WWC2: variants seen among roughly 807,000 people sequenced by gnomAD.
WWC2 encodes WW and C2 domain containing 2, also known as protein WWC2.
Under a neutral mutation model 138.5 loss-of-function variants are expected in WWC2, and 101 were observed. The ratio of observed to expected loss-of-function variants is 0.73; its 90% CI spans 0.62 to 0.86. WWC2 has a LOEUF of 0.86. Ranked by LOEUF, WWC2 falls within the 40% of genes least tolerant of loss-of-function variation. The pLI, the probability that WWC2 is intolerant of heterozygous loss-of-function variation, is 0.00. For synonymous variants in WWC2, 558 were observed against 538.4 expected, an observed-to-expected ratio of 1.04 and a Z score of -0.50; for missense variants, 1,420 against 1,419.4, an observed-to-expected ratio of 1.00 and a Z score of -0.01.
chr4:183,188,643 CTTTTTTT>C (rs11341026), intron 1 of WWC2, among the ~76,000 whole-genome samples: 1 of 79,754 alleles, frequency 1.3e-5, no homozygotes, highest in African/African-American at 4.6e-5. Flanking sequence ...TTGCTCCTTT[CTTTTTTT>C]TTTTTTTTTT....
intron 17 of WWC2, among the ~76,000 whole-genome samples, chr4:183,281,931 A>G (rs1420715305): frequency 2.0e-5 from 3 of 152,240 alleles, no homozygotes; most frequent in African/African-American, 7.2e-5. Flanking sequence ...TATAACTCAT[A>G]GTAGTCATTA....
At chr4:183,113,515 TGCGCGC>T (rs1554064965) in intron 1 of WWC2, among the ~76,000 whole-genome samples, 8 of 126,644 alleles carry the variant, frequency 6.3e-5, no homozygotes, top group African/African-American at 2.1e-4. Flanking sequence ...TGTGTGTGTG[TGCGCGC>T]GCGTGCGCGC....
intron 1 of WWC2, among the ~76,000 whole-genome samples, chr4:183,103,913 C>T (rs1431218414): frequency 6.6e-6 from 1 of 152,160 alleles, no homozygotes; most frequent in Non-Finnish European, 1.5e-5. Flanking sequence ...GGATTACAGG[C>T]ATGAGCCACC....
Position 183,284,229 on chromosome 4 carries a change from G to T in WWC2, c.2887G>T (p.Asp963Tyr). 1 of 1,613,386 alleles carries T rather than the reference G, an allele frequency of 6.2e-7. No homozygotes were observed. Among genetic ancestry groups the T allele is most frequent in the South Asian group, 1.1e-5 (1 of 91,046 alleles). Residue 963 changes from aspartate to tyrosine, a missense_variant, in exon 19 of 23, where the codon GAC (aspartate) becomes TAC (tyrosine). Transcript: ENST00000403733. ...QPPTRIPTLV[D>Y]KETNTDEAAN... is the part of the protein sequence containing the mutation. ...AAATTGTTAACTTCTCTTATAGGTTGACAAAGAGACAAACACTGATGAAGC... is the reference window on the plus strand; with the variant it reads ...AAATTGTTAACTTCTCTTATAGGTTTACAAAGAGACAAACACTGATGAAGC...
chr4:183,239,067 C>T (rs2111307325), intron 4 of WWC2, among the ~76,000 whole-genome samples: 1 of 152,304 alleles, frequency 6.6e-6, no homozygotes, highest in Non-Finnish European at 1.5e-5. Context: ...GTAATCCCAG[C>T]ACTTTGGGAG....
chr4:183,138,572 ATGGTC>A (rs1733193643), intron 1 of WWC2, among the ~76,000 whole-genome samples: 1 of 152,162 alleles, frequency 6.6e-6, no homozygotes, highest in African/African-American at 2.4e-5. Flanking sequence ...AGGAGACCAT[ATGGTC>A]TGCAAAGCTG....
At chr4:183,203,165 A>ATT (rs1420907530) in intron 2 of WWC2, among the ~76,000 whole-genome samples, 1 of 150,428 alleles carries the variant, frequency 6.6e-6, no homozygotes, top group Non-Finnish European at 1.5e-5. Context: ...AGGACTCAAA[A>ATT]TAATTCATTT....
chr4:183,232,696 G>T (rs1560856557), intron 4 of WWC2, among the ~76,000 whole-genome samples: 1 of 152,146 alleles, frequency 6.6e-6, no homozygotes, highest in Admixed American at 6.6e-5. Context: ...CGCCCAGGCT[G>T]GAGTGCAATG....
At chr4:183,138,151 T>C (rs1423661329) in intron 1 of WWC2, among the ~76,000 whole-genome samples, 2 of 152,120 alleles carry the variant, frequency 1.3e-5, no homozygotes, top group Non-Finnish European at 2.9e-5. Context: ...TATCTGGAAG[T>C]TGTATTGATT....
chr4:183,175,475 C>T (rs1468476782), intron 1 of WWC2, among the ~76,000 whole-genome samples: 3 of 152,118 alleles, frequency 2.0e-5, no homozygotes, highest in African/African-American at 7.2e-5. Context: ...GTTGTCCAGG[C>T]TGGCCCCAAA....
In WWC2 at chr4:183,240,256, T is replaced by C; in HGVS notation, c.596T>C (p.Leu199Ser). 1.3e-6 allele frequency: 2 copies of C among 1,550,422 alleles called. No individual in the cohort carries two copies. Among genetic ancestry groups the C allele is most frequent in the South Asian group, 2.4e-5 (2 of 82,990 alleles). The change falls in exon 5 of 23, where the codon TTG (leucine) becomes TCG (serine). Residue 199 changes from leucine to serine, a missense_variant. Physicochemically the swap from Leu to Ser is moderately radical, Grantham distance 145. Transcript: ENST00000403733. ...TATAAAGAACAAGGCTTTGAAACAT[T>C]GCAGCAGTGAGTATGAAAAGACTGA... ...LLYKEQGFET[L>S]QQIDKKMSGG...
At chr4:183,201,827 C>T (rs1196600091) in intron 2 of WWC2, among the ~76,000 whole-genome samples, 1 of 152,240 alleles carries the variant, frequency 6.6e-6, no homozygotes, top group Non-Finnish European at 1.5e-5. Context: ...CAGGTTCTTA[C>T]GTTCATATAG....
chr4:183,240,279 T>G lies in WWC2; in HGVS notation c.602+17T>G. On this transcript the variant is annotated intron_variant, in intron 5 of 22. Coordinates refer to ENST00000403733, the MANE Select transcript of WWC2 (RefSeq NM_024949.6). Reference sequence around the variant, plus strand: ...ATTGCAGCAGTGAGTATGAAAAGACTGAATCAACTTTAGAATAAGCTCCCT... The same window carrying G: ...ATTGCAGCAGTGAGTATGAAAAGACGGAATCAACTTTAGAATAAGCTCCCT... 1.3e-6 allele frequency: 2 copies of G among 1,535,898 alleles called. No homozygotes were observed. Among genetic ancestry groups the G allele is most frequent in the Non-Finnish European group, 1.8e-6 (2 of 1,140,012 alleles).
At chr4:183,109,345 A>C (rs533577381) in intron 1 of WWC2, among the ~76,000 whole-genome samples, 1 of 152,358 alleles carries the variant, frequency 6.6e-6, no homozygotes, top group African/African-American at 2.4e-5. Context: ...TTCTATAAAT[A>C]TTAACCTTTT....
chr4:183,181,601 T>A (rs1734634738), intron 1 of WWC2, among the ~76,000 whole-genome samples: 1 of 152,008 alleles, frequency 6.6e-6, no homozygotes, highest in Non-Finnish European at 1.5e-5. Flanking sequence ...CAGCTTAGTT[T>A]ATTGTAAGGA....
chr4:183,167,606 G>T (rs1734161493), intron 1 of WWC2, among the ~76,000 whole-genome samples: 1 of 152,170 alleles, frequency 6.6e-6, no homozygotes, highest in Non-Finnish European at 1.5e-5. Flanking sequence ...CTAGCTTTGA[G>T]AATCAGGTAA....
At chr4:183,287,988 G>A (rs1038546634) in intron 20 of WWC2, among the ~76,000 whole-genome samples, 9 of 152,212 alleles carry the variant, frequency 5.9e-5, no homozygotes, top group African/African-American at 2.2e-4. Context: ...GCAGACTCTT[G>A]TATGTGGAGT....
rs1739476026 is a variant in WWC2, at chr4:183,317,433, T to G, written c.*1704T>G. The G allele has an allele frequency of 6.6e-6, 1 of 152,602 alleles. No homozygotes were observed. Among genetic ancestry groups the G allele is most frequent in the Admixed American group, 6.5e-5 (1 of 15,276 alleles). 9.5% of individuals were successfully genotyped at this position (152,602 alleles called of 1,614,324 possible). A position where few individuals can be genotyped will look rare whatever the true frequency, so the allele number is the denominator to read the frequency against. On this transcript the variant is annotated 3_prime_UTR_variant, in exon 23 of 23. Coordinates refer to ENST00000403733, the MANE Select transcript of WWC2 (RefSeq NM_024949.6). ...AAACCAGCCTAGTGAATTGACTGAG[T>G]ACAGTCCTTTAAGGCTGCCCAGTTC...
At chr4:183,281,106 G>C (rs1738058072) in intron 17 of WWC2, 3 of 583,052 alleles carry the variant, frequency 5.1e-6, no homozygotes, top group East Asian at 6.8e-5. Context: ...ACATTAGCCA[G>C]ATTCTTTGTT....
Sources: allele counts gnomAD v4.1 joint callset (sites outside exome capture counted in the v4.1 genomes callset), GRCh38; gene constraint gnomAD v4.1.1; transcripts MANE v1.5; gene names NCBI Gene and HGNC (gene_info 2026-07-23, HGNC 2026-07-21).